CNTN4: variants seen among roughly 807,000 people sequenced by gnomAD.
CNTN4 encodes contactin-4.
In CNTN4, 77 loss-of-function variants were observed where a neutral mutation model predicts 122.5. The ratio of observed to expected loss-of-function variants is 0.63; its 90% CI spans 0.52 to 0.76. The LOEUF (loss-of-function observed/expected upper bound fraction) is 0.76. Among genes scored for constraint, CNTN4 ranks in the 30% least tolerant of loss-of-function variants. The pLI, the probability that CNTN4 is intolerant of heterozygous loss-of-function variation, is 0.00. For synonymous variants in CNTN4, 512 were observed against 447.0 expected (o/e 1.15, Z -1.83); for missense variants, 1,256 against 1,259.1 (o/e 1.00, Z 0.04).
intron 2 of CNTN4, among the ~76,000 whole-genome samples, chr3:2,279,072 C>G (rs945779182): frequency 1.3e-5 from 2 of 151,806 alleles, no homozygotes; most frequent in Non-Finnish European, 2.9e-5. Context: ...AAGCTTAATA[C>G]CTGGCCTAAG....
At chr3:2,363,140 C>T (rs1422062008) in intron 3 of CNTN4, among the ~76,000 whole-genome samples, 3 of 152,198 alleles carry the variant, frequency 2.0e-5, no homozygotes, top group African/African-American at 7.2e-5. Context: ...AAAGTATCTT[C>T]ATACTGCACC....
intron 3 of CNTN4, among the ~76,000 whole-genome samples, chr3:2,521,338 A>ACCCCTCG (rs2077205563): frequency 2.4e-5 from 2 of 83,330 alleles, no homozygotes; most frequent in African/African-American, 5.3e-5. Context: ...GTGGACCTCT[A>ACCCCTCG]CCCATCCCCC....
chr3:2,652,759 G>C (rs918450626), intron 4 of CNTN4, among the ~76,000 whole-genome samples: 8 of 152,068 alleles, frequency 5.3e-5, no homozygotes, highest in Non-Finnish European at 7.3e-5. Context: ...AGTGGATCTC[G>C]TGTGTGAATG....
At chr3:2,321,898 A>G (rs1029907843) in intron 2 of CNTN4, among the ~76,000 whole-genome samples, 1 of 152,156 alleles carries the variant, frequency 6.6e-6, no homozygotes, top group Admixed American at 6.6e-5. Flanking sequence ...GCTTCAAAAT[A>G]TAGTAGTATT....
At chr3:2,400,453 CT>C (rs2046817232) in intron 3 of CNTN4, among the ~76,000 whole-genome samples, 12 of 94,770 alleles carry the variant, frequency 1.3e-4, no homozygotes, top group Non-Finnish European at 2.4e-4. Flanking sequence ...ATATATATCT[CT>C]TTTTTTCCTT....
intron 8 of CNTN4, among the ~76,000 whole-genome samples, chr3:2,868,570 A>G (rs1163822652): frequency 6.6e-6 from 1 of 152,204 alleles, no homozygotes; most frequent in Non-Finnish European, 1.5e-5. Flanking sequence ...GCAGCTCTGA[A>G]GAGAGGGTCT....
chr3:2,300,485 C>T (rs759308257), intron 2 of CNTN4, among the ~76,000 whole-genome samples: 1 of 147,158 alleles, frequency 6.8e-6, no homozygotes, highest in Non-Finnish European at 1.5e-5. Flanking sequence ...AAATAGTTAA[C>T]AGTCTCATTT....
intron 4 of CNTN4, among the ~76,000 whole-genome samples, chr3:2,573,271 T>C (rs1357426566): frequency 6.6e-6 from 1 of 152,214 alleles, no homozygotes; most frequent in Non-Finnish European, 1.5e-5. Context: ...TTTAATAGTC[T>C]ACCTTCATGT....
At chr3:2,442,788 T>C (rs912188006) in intron 3 of CNTN4, among the ~76,000 whole-genome samples, 3 of 152,200 alleles carry the variant, frequency 2.0e-5, no homozygotes, top group Non-Finnish European at 4.4e-5. Flanking sequence ...TACTTCTAAA[T>C]GTGAATCCTA....
chr3:2,118,313 T>C (rs1247596232), intron 2 of CNTN4, among the ~76,000 whole-genome samples: 1 of 152,216 alleles, frequency 6.6e-6, no homozygotes, highest in Admixed American at 6.5e-5. Context: ...TCTTAACCAA[T>C]TTGGAATCCT....
chr3:2,566,975 T>C (rs1373090226), intron 3 of CNTN4, among the ~76,000 whole-genome samples: 3 of 152,302 alleles, frequency 2.0e-5, no homozygotes, highest in East Asian at 3.9e-4. Flanking sequence ...CTTCAGGGGA[T>C]TGCATTTTAA....
chr3:2,206,435 G>T (rs575271818), intron 2 of CNTN4, among the ~76,000 whole-genome samples: 32 of 152,118 alleles, frequency 2.1e-4, no homozygotes, highest in African/African-American at 7.5e-4. Context: ...ATATACATTT[G>T]TGTCAGTGTT....
chr3:2,383,273 G>A (rs907988622), intron 3 of CNTN4, among the ~76,000 whole-genome samples: 7 of 151,930 alleles, frequency 4.6e-5, no homozygotes, highest in Middle Eastern at 3.4e-3. Flanking sequence ...TTTATAATAC[G>A]CTTGCCTTAT....
intron 23 of CNTN4, among the ~76,000 whole-genome samples, chr3:3,050,402 A>G (rs1701138386): frequency 6.6e-6 from 1 of 152,144 alleles, no homozygotes; most frequent in African/African-American, 2.4e-5. Context: ...CCAAAGACAG[A>G]TGCCAGAGAG....
chr3:2,411,018 C>T (rs1312337527), intron 3 of CNTN4, among the ~76,000 whole-genome samples: 1 of 152,186 alleles, frequency 6.6e-6, no homozygotes, highest in African/African-American at 2.4e-5. Context: ...AATATTTCAA[C>T]TGTACTTTAC....
At chr3:2,688,480 C>G (rs2085555245) in intron 4 of CNTN4, among the ~76,000 whole-genome samples, 1 of 152,176 alleles carries the variant, frequency 6.6e-6, no homozygotes, top group South Asian at 2.1e-4. Flanking sequence ...TGTATACACA[C>G]AAACAGAAGT....
At chr3:2,303,368 C>G (rs542195771) in intron 2 of CNTN4, among the ~76,000 whole-genome samples, 2 of 152,036 alleles carry the variant, frequency 1.3e-5, no homozygotes, top group Non-Finnish European at 2.9e-5. Context: ...ACTCGTTTCC[C>G]CTATTCACTC....
intron 3 of CNTN4, among the ~76,000 whole-genome samples, chr3:2,568,329 A>AAAC (rs1553562735): frequency 2.0e-5 from 3 of 150,940 alleles, no homozygotes; most frequent in Non-Finnish European, 3.0e-5. Flanking sequence ...AAAAAAAAAA[A>AAAC]AAAAAAAAAA....
chr3:2,412,739 TAC>T, intron 3 of CNTN4, among the ~76,000 whole-genome samples: 2 of 152,314 alleles, frequency 1.3e-5, no homozygotes, highest in South Asian at 4.1e-4. Context: ...CATACGTATA[TAC>T]CTTTGTAACT....
Sources: gnomAD v4.1 joint callset for allele counts (sites outside exome capture counted in the v4.1 genomes callset) on GRCh38, gnomAD v4.1.1 for gene constraint, MANE v1.5 for transcripts, NCBI Gene and HGNC (gene_info 2026-07-23, HGNC 2026-07-21) for gene names.